Variants in EXOC4 observed in about 807,000 individuals in gnomAD.
The protein encoded by EXOC4 is SEC8-like 1.
Under a neutral mutation model 107.2 loss-of-function variants are expected in EXOC4, and 71 were observed. The ratio of observed to expected loss-of-function variants is 0.66; its 90% CI spans 0.55 to 0.81. The LOEUF (loss-of-function observed/expected upper bound fraction) is 0.81. Ranked by LOEUF, EXOC4 falls within the 30% of genes least tolerant of loss-of-function variation. EXOC4 has a pLI of 0.00. For synonymous variants in EXOC4, 456 were observed against 441.2 expected (o/e 1.03, Z -0.42); for missense variants, 1,108 against 1,189.6 (o/e 0.93, Z 1.01).
At chr7:133,995,442 G>A (rs1392661883) in intron 14 of EXOC4, among the ~76,000 whole-genome samples, 1 of 152,194 alleles carries the variant, frequency 6.6e-6, no homozygotes, top group East Asian at 1.9e-4. Flanking sequence ...GGGCTGAAAA[G>A]CCCTAAAATG....
intron 14 of EXOC4, among the ~76,000 whole-genome samples, chr7:133,946,512 A>C (rs1009493969): frequency 6.6e-6 from 1 of 152,212 alleles, no homozygotes; most frequent in African/African-American, 2.4e-5. Flanking sequence ...CCAACTGATA[A>C]TTGTATGATG....
intron 10 of EXOC4, among the ~76,000 whole-genome samples, chr7:133,681,206 G>A (rs545336336): frequency 6.6e-6 from 1 of 152,152 alleles, no homozygotes; most frequent in Non-Finnish European, 1.5e-5. Flanking sequence ...AAAAAGAATT[G>A]TTTGTGCTGT....
At chr7:133,556,663 C>T (rs1316546202) in intron 9 of EXOC4, among the ~76,000 whole-genome samples, 2 of 152,012 alleles carry the variant, frequency 1.3e-5, no homozygotes, top group African/African-American at 4.8e-5. Flanking sequence ...GGGAATGTTA[C>T]GATAGGAATT....
Position 133,492,115 on chromosome 7 carries a change from A to G in EXOC4, c.1417+11977A>G, listed in dbSNP as rs147963543. Among the ~76,000 whole-genome samples the G allele has an allele frequency of 3.0e-4, 45 of 152,288 alleles. 1 individual carries two copies. The East Asian group carries it at 8.7e-3, about 29-fold the overall frequency. On this transcript the variant is annotated intron_variant, in intron 9 of 17. Transcript: ENST00000253861. ...CGCATAATGAAATGTGCATTTTAGA[A>G]AATGTTTTCTGATGACTGTGTGGAG...
intron 9 of EXOC4, among the ~76,000 whole-genome samples, chr7:133,526,503 A>C (rs1023912814): frequency 6.6e-6 from 1 of 152,206 alleles, no homozygotes; most frequent in Non-Finnish European, 1.5e-5. Flanking sequence ...TTGATCCTAC[A>C]TTCTGTTGCT....
chr7:133,945,456 C>A (rs1208677917), intron 14 of EXOC4, among the ~76,000 whole-genome samples: 2 of 152,206 alleles, frequency 1.3e-5, no homozygotes, highest in Non-Finnish European at 2.9e-5. Flanking sequence ...CATGGAGATA[C>A]GGTACTTCGT....
At chr7:133,949,369 G>T (rs1254140589) in intron 14 of EXOC4, among the ~76,000 whole-genome samples, 1 of 152,096 alleles carries the variant, frequency 6.6e-6, no homozygotes, top group Non-Finnish European at 1.5e-5. Flanking sequence ...AATCCTAGGT[G>T]GATTTGACTA....
intron 11 of EXOC4, among the ~76,000 whole-genome samples, chr7:133,867,506 T>A (rs78974494): frequency 6.6e-6 from 1 of 152,294 alleles, no homozygotes; most frequent in Non-Finnish European, 1.5e-5. Context: ...GGGCATTTCT[T>A]GGAGCAAAGG....
intron 8 of EXOC4, among the ~76,000 whole-genome samples, chr7:133,476,691 T>A (rs1241418704): frequency 6.6e-6 from 1 of 152,218 alleles, no homozygotes; most frequent in Non-Finnish European, 1.5e-5. Flanking sequence ...ACAGTTTTAT[T>A]CAGAGAGTGG....
intron 16 of EXOC4, 21 bp downstream of exon 16, chr7:134,005,111 C>T (rs373326011): frequency 3.8e-5 from 60 of 1,597,510 alleles, no homozygotes; most frequent in Non-Finnish European, 4.9e-5. Flanking sequence ...GCTTCTGTCT[C>T]TGGGAGTTTG....
chr7:133,978,297 A>G (rs541273773), intron 14 of EXOC4, among the ~76,000 whole-genome samples: 1 of 152,182 alleles, frequency 6.6e-6, no homozygotes, highest in Non-Finnish European at 1.5e-5. Context: ...GTTGAGATCT[A>G]CGTTTGTTGT....
chr7:133,254,355 A>G lies in EXOC4; in HGVS notation c.86+1168A>G, dbSNP rs1794964209. ...TTAATATACTTGGTAGGCCATACAG[A>G]GGAAGTGCTGTTGTATTGTGAATCT... On this transcript the variant is annotated intron_variant, in intron 1 of 17. Transcript: ENST00000253861. Among the ~76,000 whole-genome samples, 4 of 152,198 alleles carry G rather than the reference A, an allele frequency of 2.6e-5. No homozygotes were observed. In the South Asian group the frequency reaches 8.3e-4, roughly 31 times the overall value.
intron 10 of EXOC4, among the ~76,000 whole-genome samples, chr7:133,785,762 TC>T (rs1796556271): frequency 6.6e-6 from 1 of 152,004 alleles, no homozygotes; most frequent in Non-Finnish European, 1.5e-5. Context: ...AAGCTCTGTC[TC>T]CCGGGTTCAT....
At chr7:133,936,656 G>A (rs938587994) in intron 13 of EXOC4, among the ~76,000 whole-genome samples, 1 of 151,806 alleles carries the variant, frequency 6.6e-6, no homozygotes, top group African/African-American at 2.4e-5. Flanking sequence ...GTTTTGTTTT[G>A]TTTTTGTTTT....
At chr7:133,393,975 T>C (rs1796914225) in intron 7 of EXOC4, among the ~76,000 whole-genome samples, 1 of 152,196 alleles carries the variant, frequency 6.6e-6, no homozygotes, top group Non-Finnish European at 1.5e-5. Context: ...TGCTTTCTCC[T>C]AGACCAGCCT....
At chr7:133,626,137 G>A (rs1485746866) in intron 9 of EXOC4, among the ~76,000 whole-genome samples, 1 of 152,114 alleles carries the variant, frequency 6.6e-6, no homozygotes, top group Non-Finnish European at 1.5e-5. Flanking sequence ...AACCTGGGAG[G>A]CGGAGGTTGC....
intron 10 of EXOC4, among the ~76,000 whole-genome samples, chr7:133,738,240 C>T (rs565199738): frequency 6.6e-6 from 1 of 152,112 alleles, no homozygotes; most frequent in South Asian, 2.1e-4. Flanking sequence ...CCAAATTGTC[C>T]TCCTGCTATC....
chr7:133,553,915 C>T (rs796257346), intron 9 of EXOC4, among the ~76,000 whole-genome samples: 6 of 152,036 alleles, frequency 3.9e-5, no homozygotes, highest in African/African-American at 1.4e-4. Flanking sequence ...TGTACTTTAC[C>T]GATCAGGGGA....
intron 17 of EXOC4, among the ~76,000 whole-genome samples, chr7:134,014,543 G>A (rs1794854562): frequency 6.6e-6 from 1 of 152,084 alleles, no homozygotes; most frequent in Non-Finnish European, 1.5e-5. Context: ...TAAGAAGCTA[G>A]TAACAAAAAG....
Sources: gnomAD v4.1 joint callset for allele counts (sites outside exome capture counted in the v4.1 genomes callset) on GRCh38, gnomAD v4.1.1 for gene constraint, MANE v1.5 for transcripts, NCBI Gene and HGNC (gene_info 2026-07-23, HGNC 2026-07-21) for gene names.